The following SPON2 variants were observed in gnomAD, a reference collection of about 807,000 sequenced individuals.
The protein encoded by SPON2 is spondin 2.
Under a neutral mutation model 29.9 loss-of-function variants are expected in SPON2, and 32 were observed. The ratio of observed to expected loss-of-function variants is 1.07; its 90% confidence interval spans 0.81 to 1.44. The LOEUF (loss-of-function observed/expected upper bound fraction) is 1.44, where lower values mean the gene tolerates loss of function less well. SPON2 is among the 40% of genes most tolerant of loss of function. SPON2 has a pLI of 0.00. For missense variants in SPON2, 541 were observed against 455.5 expected, an observed-to-expected ratio of 1.19 and a Z score of -1.71; for synonymous variants, 248 against 209.1, an observed-to-expected ratio of 1.19 and a Z score of -1.61.
rs765390524 is a variant in SPON2, at chr4:1,170,491, A to C, written c.722T>G (p.Leu241Arg). The change falls in exon 5 of 6, where the codon CTG becomes CGG. Residue 241 changes from leucine to arginine, a missense_variant. By Grantham distance (102) the Leu-to-Arg change is moderately radical. Transcript: ENST00000290902. ...CCTGGGGCTCTGTCGCAGCCGCACCAGTGTCACCCTGGCGATGGGAGGCAG... is the reference window on the plus strand; with the variant it reads ...CCTGGGGCTCTGTCGCAGCCGCACCCGTGTCACCCTGGCGATGGGAGGCAG... ...KALPPIARVT[L>R]VRLRQSPRAF... 1 of 1,614,032 alleles carries C rather than the reference A, an allele frequency of 6.2e-7. No homozygotes were observed. The highest frequency in any genetic ancestry group is 2.2e-5 in the East Asian group (1 of 44,862).
At chr4:1,198,475 C>G (rs144864355), upstream of SPON2, among the ~76,000 whole-genome samples, 2 of 152,258 alleles carry the variant, frequency 1.3e-5, no homozygotes, top group East Asian at 3.9e-4. Flanking sequence ...AATTCAAAAA[C>G]CTGATGTGGA....
At chr4:1,185,516 T>G (rs1727775540) in intron 1 of SPON2, among the ~76,000 whole-genome samples, 1 of 151,100 alleles carries the variant, frequency 6.6e-6, no homozygotes, top group Non-Finnish European at 1.5e-5. Flanking sequence ...CACACCAGCC[T>G]GGCCAACATG....
Position 1,171,173 on chromosome 4 carries a change from G to T in SPON2, c.462C>A (p.Arg154=), listed in dbSNP as rs1727427732. 6.5e-7 allele frequency: 1 copy of T among 1,545,498 alleles called. No homozygotes were observed. The change falls in exon 4 of 6, where the codon CGC becomes CGA. Residue 154 remains arginine (R), a synonymous_variant. Coordinates refer to ENST00000290902, the MANE Select transcript of SPON2 (RefSeq NM_012445.4). ...CGAACCAGTCGGGGCTGGGCACGAT[G>T]CGCACCACAAACGAGACCTGCGGCG... ...RRHSLVSFVV[R]IVPSPDWFVG...
exon 1 of SPON2, chr4:1,195,007 C>CT (rs1449102194): frequency 2.3e-4 from 22 of 95,464 alleles, no homozygotes; most frequent in Non-Finnish European, 2.8e-4. Context: ...CCGGCGGTTC[C>CT]AACCCCGCAG....
chr4:1,203,836 G>A (rs142670965), intron 1 of SPON2, among the ~76,000 whole-genome samples: 1 of 152,060 alleles, frequency 6.6e-6, no homozygotes, highest in African/African-American at 2.4e-5. Flanking sequence ...TTGGCTGGTC[G>A]CATATATTAT....
upstream of SPON2, chr4:1,200,007 T>G (rs1728157520): frequency 6.6e-6 from 1 of 152,262 alleles, no homozygotes; most frequent in Non-Finnish European, 1.5e-5. Flanking sequence ...CCAGGTTCCA[T>G]GAAATCACCT....
At chr4:1,173,504 A>G (rs188561337), upstream of SPON2, among the ~76,000 whole-genome samples, 1 of 152,352 alleles carries the variant, frequency 6.6e-6, no homozygotes, top group Non-Finnish European at 1.5e-5. Context: ...GGATGAAGCT[A>G]ACAGATGCTG....
chr4:1,171,905 A>T lies in SPON2; in HGVS notation c.167T>A (p.Phe56Tyr). 2 of 1,612,870 alleles carry T rather than the reference A, an allele frequency of 1.2e-6. No individual in the cohort carries two copies. The highest frequency in any genetic ancestry group is 1.7e-6 in the Non-Finnish European group (2 of 1,179,916). The change falls in exon 2 of 6, where the codon TTC (phenylalanine) becomes TAC (tyrosine). Residue 56 changes from phenylalanine (F) to tyrosine (Y), a missense_variant. Physicochemically the swap from Phe to Tyr is conservative, Grantham distance 22. Coordinates refer to ENST00000290902, the MANE Select transcript of SPON2 (RefSeq NM_012445.4). ...TFTGKWSQTA[F>Y]PKQYPLFRPP... ...GCGGAACAGGGGGTACTGCTTGGGG[A>T]AGGCCGTCTGGCTCCACTTGCCCGT...
chr4:1,170,530 G>A lies in SPON2; in HGVS notation c.683C>T (p.Pro228Leu), dbSNP rs141581437. 5.5e-5 allele frequency: 89 copies of A among 1,613,960 alleles called. No individual in the cohort carries two copies. The African/African-American group carries it at 1.0e-3, about 18-fold the overall frequency. Reference protein sequence around the residue: ...PSHPANSFYYPRLKALPPIAR... With the variant: ...PSHPANSFYYLRLKALPPIAR... ...GATGGGAGGCAGGGCCTTCAGCCGC[G>A]GGTAGTAGAAGGAGTTGGCCGGGTG... The change falls in exon 5 of 6, where the codon CCG (proline) becomes CTG (leucine). Residue 228 changes from proline (P) to leucine (L), a missense_variant. Coordinates refer to ENST00000290902, the MANE Select transcript of SPON2 (RefSeq NM_012445.4).
chr4:1,182,826 G>C (rs138230052), intron 1 of SPON2, among the ~76,000 whole-genome samples: 4 of 152,182 alleles, frequency 2.6e-5, no homozygotes, highest in Non-Finnish European at 5.9e-5. Flanking sequence ...AAAGCAACAA[G>C]AGGAATTACT....
At chr4:1,178,363 A>G (rs968753189) in intron 2 of SPON2, among the ~76,000 whole-genome samples, 3 of 151,806 alleles carry the variant, frequency 2.0e-5, no homozygotes, top group African/African-American at 7.3e-5. Flanking sequence ...TCAGACTCGC[A>G]GGGATGGGGC....
At chr4:1,172,270 C>T in intron 1 of SPON2, 196 bp from the exon 2 acceptor site, 1 of 604,940 alleles carries the variant, frequency 1.7e-6, no homozygotes, top group East Asian at 2.8e-5. Flanking sequence ...GTTAGATCGC[C>T]CGTGCGCCTG....
intron 1 of SPON2, among the ~76,000 whole-genome samples, chr4:1,204,687 C>T (rs1168440747): frequency 6.6e-6 from 1 of 152,146 alleles, no homozygotes; most frequent in Non-Finnish European, 1.5e-5. Flanking sequence ...TTCCAGGGTT[C>T]TCCGGTGTTT....
chr4:1,203,451 G>C (rs901148983), intron 1 of SPON2, among the ~76,000 whole-genome samples: 10 of 152,196 alleles, frequency 6.6e-5, no homozygotes, highest in Admixed American at 5.9e-4. Flanking sequence ...CCTTTTTACG[G>C]GTGAAGAATA....
intron 1 of SPON2, among the ~76,000 whole-genome samples, chr4:1,204,247 G>A (rs576295908): frequency 6.6e-6 from 1 of 152,172 alleles, no homozygotes; most frequent in Admixed American, 6.5e-5. Flanking sequence ...TTAGCACACT[G>A]GTTTTTCACT....
At chr4:1,179,285 C>T (rs1379921309) in intron 2 of SPON2, among the ~76,000 whole-genome samples, 1 of 96,676 alleles carries the variant, frequency 1.0e-5, no homozygotes. Context: ...CTCTTCCAGT[C>T]CCACCTTGCA....
chr4:1,168,336 C>G (rs1009637737), intron 5 of SPON2, among the ~76,000 whole-genome samples: 1 of 152,220 alleles, frequency 6.6e-6, no homozygotes, highest in Non-Finnish European at 1.5e-5. Context: ...AGCCCCGCCT[C>G]ACTCTGCCGT....
intron 1 of SPON2, chr4:1,207,750 G>C (rs1042722485): frequency 6.5e-6 from 1 of 154,128 alleles, no homozygotes; most frequent in South Asian, 1.9e-4. Flanking sequence ...CAAGTCTCAT[G>C]TCCTGCCTAT....
upstream of SPON2, among the ~76,000 whole-genome samples, chr4:1,173,451 C>T (rs1238318764): frequency 2.0e-5 from 3 of 152,272 alleles, no homozygotes; most frequent in East Asian, 5.8e-4. Context: ...GCGGTGTGTG[C>T]GGTGCAGAGC....
Sources: gnomAD v4.1 joint callset for allele counts (sites outside exome capture counted in the v4.1 genomes callset) on GRCh38, gnomAD v4.1.1 for gene constraint, MANE v1.5 for transcripts, NCBI Gene and HGNC (gene_info 2026-07-23, HGNC 2026-07-21) for gene names.